DENND4A: variants seen among roughly 807,000 people sequenced by gnomAD.
The protein encoded by DENND4A is C-myc promoter-binding protein.
Under a neutral mutation model 199.3 loss-of-function variants are expected in DENND4A, and 70 were observed. That is an observed-to-expected ratio of 0.35 (90% CI 0.29 to 0.43). The LOEUF is 0.43. Ranked by LOEUF, DENND4A falls within the 20% of genes least tolerant of loss-of-function variation. The probability of loss-of-function intolerance (pLI) is 1.00; values close to 1 mark genes in which losing one functional copy is unlikely to be tolerated. For synonymous variants in DENND4A, 686 were observed against 766.9 expected, an observed-to-expected ratio of 0.89 and a Z score of 1.74; for missense variants, 1,723 against 2,255.8, an observed-to-expected ratio of 0.76 and a Z score of 4.78.
At chr15:65,679,259 G>A (rs1036009495) in intron 23 of DENND4A, among the ~76,000 whole-genome samples, 16 of 151,444 alleles carry the variant, frequency 1.1e-4, no homozygotes, top group South Asian at 2.1e-4. Context: ...ATGCCACCAC[G>A]CCCAGCTAAT....
chr15:65,739,329 T>G (rs1350948891), intron 5 of DENND4A, among the ~76,000 whole-genome samples: 1 of 151,988 alleles, frequency 6.6e-6, no homozygotes, highest in African/African-American at 2.4e-5. Context: ...TACAGGAAAA[T>G]TTTTCATAAA....
In DENND4A at chr15:65,737,969, G is replaced by A. The variant is rs948914714; in HGVS notation, c.802-24C>T. 18 of 1,540,740 alleles carry A rather than the reference G, an allele frequency of 1.2e-5. No individual in the cohort carries two copies. In the Admixed American group the frequency reaches 1.6e-4, roughly 14 times the overall value. On this transcript the variant is annotated intron_variant, in intron 6 of 32. Coordinates refer to ENST00000443035, the MANE Select transcript of DENND4A (RefSeq NM_001320835.1). ...ACCTGCAAAACAAGTAATATATCCA[G>A]TAAATATACTTTGTATCATATATCC...
At chr15:65,766,004 A>G (rs1454268738) in intron 1 of DENND4A, among the ~76,000 whole-genome samples, 1 of 152,182 alleles carries the variant, frequency 6.6e-6, no homozygotes, top group Non-Finnish European at 1.5e-5. Flanking sequence ...TAATCCCAAC[A>G]CTTTGGGAGG....
intron 7 of DENND4A, among the ~76,000 whole-genome samples, chr15:65,733,649 TTAATG>T (rs2076025327): frequency 6.6e-6 from 1 of 152,112 alleles, no homozygotes; most frequent in African/African-American, 2.4e-5. Context: ...ATGTCTACCA[TTAATG>T]TGGGGAAAAG....
At chr15:65,791,573 G>T (rs1410552547) in intron 1 of DENND4A, among the ~76,000 whole-genome samples, 1 of 151,980 alleles carries the variant, frequency 6.6e-6, no homozygotes, top group Non-Finnish European at 1.5e-5. Flanking sequence ...GAGGAAAAGT[G>T]GGCCTGCAGG....
At chr15:65,771,426 C>G in intron 1 of DENND4A, 3 of 1,589,820 alleles carry the variant, frequency 1.9e-6, no homozygotes, top group Non-Finnish European at 2.6e-6. Flanking sequence ...TAATAAACAC[C>G]ACCCAAGTTT....
chr15:65,720,982 T>C (rs936591822), intron 12 of DENND4A, among the ~76,000 whole-genome samples: 1 of 123,782 alleles, frequency 8.1e-6, no homozygotes, highest in Non-Finnish European at 1.7e-5. Flanking sequence ...TATATATATA[T>C]TTGTACTTTT....
At chr15:65,719,922 C>T (rs1368088368) in intron 12 of DENND4A, among the ~76,000 whole-genome samples, 3 of 151,906 alleles carry the variant, frequency 2.0e-5, no homozygotes. Flanking sequence ...GATGGGTGGC[C>T]TGTATTTATT....
rs2075848388 is a variant in DENND4A, at chr15:65,661,726, A to G, written c.*125T>C. On this transcript the variant is annotated 3_prime_UTR_variant, in exon 33 of 33. Transcript: ENST00000443035. ...AAACATTCTGTACATAAGCTGTCTG[A>G]GTCTTTTGAACCATTTACAAATTGT... 2 of 796,914 alleles carry G rather than the reference A, an allele frequency of 2.5e-6. No homozygotes were observed. Among genetic ancestry groups the G allele is most frequent in the Non-Finnish European group, 3.7e-6 (2 of 534,342 alleles). The allele number at this position is 796,914 out of a possible 1,614,324, so 49.4% of individuals were successfully genotyped here.
In DENND4A at chr15:65,662,482, T is replaced by C. The variant is rs112130544; in HGVS notation, c.5588-495A>G. ...AAATCACCATGTAATGATTTTTTTT[T>C]CCCTTTTCCACATGGCAACAGATGG... is the stretch of plus-strand genomic sequence containing the variant. On this transcript the variant is annotated intron_variant, in intron 32 of 32. Coordinates refer to ENST00000443035, the MANE Select transcript of DENND4A (RefSeq NM_001320835.1). 1.9e-3 allele frequency among the ~76,000 whole-genome samples: 284 copies of C among 152,334 alleles called. 1 individual carries two copies. Among genetic ancestry groups the C allele is most frequent in the African/African-American group, 6.3e-3 (264 of 41,584 alleles).
intron 7 of DENND4A, among the ~76,000 whole-genome samples, chr15:65,733,955 C>G (rs904274136): frequency 1.1e-4 from 16 of 152,198 alleles, no homozygotes; most frequent in African/African-American, 3.4e-4. Context: ...TGCGGAAGGC[C>G]GCAGGGACCT....
At chr15:65,758,675 A>C (rs1026447302) in intron 2 of DENND4A, among the ~76,000 whole-genome samples, 1 of 152,220 alleles carries the variant, frequency 6.6e-6, no homozygotes, top group East Asian at 1.9e-4. Flanking sequence ...TACCACTATT[A>C]TAGGAAAAAA....
chr15:65,713,800 G>A (rs549566767), intron 14 of DENND4A, among the ~76,000 whole-genome samples: 70 of 152,250 alleles, frequency 4.6e-4, no homozygotes, highest in African/African-American at 1.4e-3. Context: ...TAATGTCCTT[G>A]CCCTAAACCT....
rs150139773 is a variant in DENND4A at position 65,754,868 on chromosome 15, T to C, written c.311+1272A>G. Among the ~76,000 whole-genome samples the C allele has an allele frequency of 7.4e-3, 1,120 of 152,342 alleles. 14 individuals are homozygous for C. Among genetic ancestry groups the C allele is most frequent in the South Asian group, 0.041 (197 of 4,830 alleles). ...TGGCAGTTCCTTAAAAGATTGAACATGGAATTACCATTACGATCCAGCAAT... is the reference window on the plus strand; with the variant it reads ...TGGCAGTTCCTTAAAAGATTGAACACGGAATTACCATTACGATCCAGCAAT... On this transcript the variant is annotated intron_variant, in intron 3 of 32. Transcript: ENST00000443035.
chr15:65,718,262 T>C (rs2075474092), intron 12 of DENND4A, among the ~76,000 whole-genome samples: 1 of 152,128 alleles, frequency 6.6e-6, no homozygotes, highest in Non-Finnish European at 1.5e-5. Flanking sequence ...TGGTAGCTCA[T>C]GCGTGCAATC....
intron 12 of DENND4A, among the ~76,000 whole-genome samples, chr15:65,718,838 G>C (rs1390216472): frequency 7.5e-6 from 1 of 132,574 alleles, no homozygotes; most frequent in Non-Finnish European, 1.5e-5. Context: ...GGAGTACAGT[G>C]GCACGATCTC....
intron 1 of DENND4A, among the ~76,000 whole-genome samples, chr15:65,777,555 G>A (rs774787724): frequency 6.6e-6 from 1 of 152,030 alleles, no homozygotes; most frequent in Non-Finnish European, 1.5e-5. Flanking sequence ...GTTTCGTCAT[G>A]TTAGCCAGGC....
intron 32 of DENND4A, 80 bp from the exon 33 acceptor site, chr15:65,662,067 C>T: frequency 8.4e-7 from 1 of 1,191,618 alleles, no homozygotes; most frequent in Non-Finnish European, 1.2e-6. Context: ...TATAATACTA[C>T]AGAAACACAA....
chr15:65,740,447 T>TA (rs1046623413), intron 5 of DENND4A, among the ~76,000 whole-genome samples: 8,350 of 114,432 alleles, frequency 0.073, 276 homozygotes, highest in African/African-American at 0.096. Context: ...CCATCTCTAC[T>TA]AAAAAAAAAA....
Sources: gnomAD v4.1 joint callset for allele counts (sites outside exome capture counted in the v4.1 genomes callset) on GRCh38, gnomAD v4.1.1 for gene constraint, MANE v1.5 for transcripts, NCBI Gene and HGNC (gene_info 2026-07-23, HGNC 2026-07-21) for gene names.